The following CSMD1 variants were observed in gnomAD, a reference collection of about 807,000 sequenced individuals.
CSMD1 encodes the protein CUB and sushi domain-containing protein 1.
CSMD1 carries 213 observed loss-of-function variants against 417.5 expected under a neutral mutation model. The observed-to-expected ratio is 0.51, with a 90% CI of 0.46 to 0.57. CSMD1 has a LOEUF of 0.57. CSMD1 is among the 20% of genes least tolerant of loss of function. CSMD1 has a pLI of 0.00. For synonymous variants in CSMD1, 2,862 were observed against 1,736.8 expected (o/e 1.65, Z -16.11); for missense variants, 6,923 against 4,529.7 (o/e 1.53, Z -15.17).
At chr8:3,512,592 AT>A (rs1797122088) in intron 10 of CSMD1, among the ~76,000 whole-genome samples, 1 of 139,894 alleles carries the variant, frequency 7.1e-6, no homozygotes, top group Non-Finnish European at 1.5e-5. Context: ...GCTTACTTTA[AT>A]TTTTTTCTTT....
chr8:4,768,071 A>G (rs569349617), intron 1 of CSMD1, among the ~76,000 whole-genome samples: 8 of 152,278 alleles, frequency 5.3e-5, no homozygotes, highest in Admixed American at 3.9e-4. Flanking sequence ...AGCCCCTTGC[A>G]TAGGACCTTC....
intron 5 of CSMD1, among the ~76,000 whole-genome samples, chr8:3,810,763 A>G (rs1801023539): frequency 6.6e-6 from 1 of 152,120 alleles, no homozygotes; most frequent in Non-Finnish European, 1.5e-5. Context: ...TTTGGCAATG[A>G]TCATGGTGTT....
chr8:4,109,297 G>A (rs546801324), intron 3 of CSMD1, among the ~76,000 whole-genome samples: 17 of 152,168 alleles, frequency 1.1e-4, no homozygotes, highest in African/African-American at 3.6e-4. Context: ...TGAAGGAGCA[G>A]CTGTATTTTT....
chr8:3,859,055 T>C (rs1326588715), intron 5 of CSMD1, among the ~76,000 whole-genome samples: 1 of 152,198 alleles, frequency 6.6e-6, no homozygotes, highest in Non-Finnish European at 1.5e-5. Flanking sequence ...AATTTTACAT[T>C]ATTCATGTGT....
chr8:2,949,337 T>C lies in CSMD1; in HGVS notation c.10364A>G (p.His3455Arg). 1 of 1,608,666 alleles carries C rather than the reference T, an allele frequency of 6.2e-7. No individual in the cohort carries two copies. The highest frequency in any genetic ancestry group is 8.5e-7 in the Non-Finnish European group (1 of 1,176,976). The change falls in exon 68 of 70, where the codon CAT (histidine) becomes CGT (arginine). Residue 3455 changes from histidine (H) to arginine (R), a missense_variant. Physicochemically the swap from His to Arg is conservative, Grantham distance 29. Coordinates refer to ENST00000635120, the MANE Select transcript of CSMD1 (RefSeq NM_033225.6). ...RGGFTFQGDI[H>R]GKDFGKFKLE... is the part of the protein sequence containing the mutation. ...CTTAAATTTTCCAAAGTCTTTTCCATGAATGTCACCTTGAAAAGTAAATCC... is the reference window on the plus strand; with the variant it reads ...CTTAAATTTTCCAAAGTCTTTTCCACGAATGTCACCTTGAAAAGTAAATCC...
At chr8:4,269,943 G>A (rs190964684) in intron 3 of CSMD1, among the ~76,000 whole-genome samples, 1 of 152,268 alleles carries the variant, frequency 6.6e-6, no homozygotes, top group Admixed American at 6.5e-5. Context: ...CAACAGTTGG[G>A]GGAAACCACG....
At position 4,739,233 on chromosome 8, in the gene CSMD1, C is replaced by A. The variant is rs80082862; in HGVS notation, c.86-101675G>T. Among the ~76,000 whole-genome samples the A allele has an allele frequency of 3.2e-3, 493 of 152,256 alleles. 5 individuals are homozygous for A. The highest frequency in any genetic ancestry group is 0.011 in the African/African-American group (475 of 41,544). ...TTAAAGCAATCCTATGTTGTTGAGC[C>A]TGCCAAGTTCAGCTCTGTAAATATA... On this transcript the variant is annotated intron_variant, in intron 1 of 69. Transcript: ENST00000635120.
intron 17 of CSMD1, among the ~76,000 whole-genome samples, chr8:3,392,415 G>A (rs1018029356): frequency 6.6e-6 from 1 of 151,968 alleles, no homozygotes; most frequent in Non-Finnish European, 1.5e-5. Flanking sequence ...TTTGTCGAAG[G>A]GTGCTAGACG....
chr8:3,545,291 A>C (rs1390203135), intron 10 of CSMD1, among the ~76,000 whole-genome samples: 1 of 152,202 alleles, frequency 6.6e-6, no homozygotes, highest in Non-Finnish European at 1.5e-5. Flanking sequence ...CATGATTTTC[A>C]AAGTTGCTTT....
intron 5 of CSMD1, among the ~76,000 whole-genome samples, chr8:3,800,941 CCAAATATTCCTTTTATCACAACA>C (rs1211152151): frequency 6.6e-6 from 1 of 151,890 alleles, no homozygotes; most frequent in Admixed American, 6.6e-5. Context: ...TTATCCAGCC[CCAAATATTCCTTTTATCACAACA>C]CAAAACAGAC....
chr8:3,783,258 A>T (rs138336466), intron 5 of CSMD1, among the ~76,000 whole-genome samples: 22 of 152,300 alleles, frequency 1.4e-4, no homozygotes, highest in African/African-American at 5.3e-4. Flanking sequence ...GTGCTCCCGG[A>T]AAAACTGGTT....
chr8:3,596,464 G>A (rs753968858), intron 8 of CSMD1, among the ~76,000 whole-genome samples: 1 of 152,126 alleles, frequency 6.6e-6, no homozygotes, highest in Non-Finnish European at 1.5e-5. Flanking sequence ...GACTCAGAGG[G>A]CCCTCTGCTC....
chr8:3,137,882 A>G (rs569661782), intron 41 of CSMD1, among the ~76,000 whole-genome samples: 3 of 152,336 alleles, frequency 2.0e-5, no homozygotes, highest in Middle Eastern at 3.4e-3. Context: ...CTGATTTTAA[A>G]AAGTCCCAGG....
At chr8:3,546,306 T>G (rs943773926) in intron 10 of CSMD1, among the ~76,000 whole-genome samples, 1 of 151,746 alleles carries the variant, frequency 6.6e-6, no homozygotes, top group African/African-American at 2.4e-5. Context: ...GAGGCCAAGG[T>G]GGGGGGATCA....
intron 25 of CSMD1, among the ~76,000 whole-genome samples, chr8:3,294,043 C>T (rs963256343): frequency 2.0e-5 from 3 of 152,144 alleles, no homozygotes; most frequent in Admixed American, 6.5e-5. Context: ...TTCCTTCTAA[C>T]AGTCAGGACC....
intron 54 of CSMD1, among the ~76,000 whole-genome samples, chr8:2,985,071 C>T (rs770877624): frequency 6.6e-6 from 1 of 152,124 alleles, no homozygotes; most frequent in Non-Finnish European, 1.5e-5. Context: ...TATTTTAAGA[C>T]CATCATTGGC....
At chr8:4,040,643 G>T (rs762326112) in intron 3 of CSMD1, among the ~76,000 whole-genome samples, 4 of 152,104 alleles carry the variant, frequency 2.6e-5, no homozygotes, top group Non-Finnish European at 5.9e-5. Context: ...AGAATGGAGG[G>T]CACAACCATA....
chr8:4,007,952 A>T (rs1816256923), intron 4 of CSMD1, among the ~76,000 whole-genome samples: 1 of 152,206 alleles, frequency 6.6e-6, no homozygotes. Flanking sequence ...AATAGAGCGA[A>T]ATTTCAGATA....
intron 3 of CSMD1, among the ~76,000 whole-genome samples, chr8:4,112,220 G>C (rs1029579230): frequency 6.6e-6 from 1 of 152,082 alleles, no homozygotes; most frequent in African/African-American, 2.4e-5. Context: ...ACCTCTTTCA[G>C]GGGTGTGAAG....
Sources: gnomAD v4.1 joint callset for allele counts (sites outside exome capture counted in the v4.1 genomes callset) on GRCh38, gnomAD v4.1.1 for gene constraint, MANE v1.5 for transcripts, NCBI Gene and HGNC (gene_info 2026-07-23, HGNC 2026-07-21) for gene names.